MATN4: variants seen among roughly 807,000 people sequenced by gnomAD.
MATN4 encodes matrilin-4.
Under a neutral mutation model 54.6 loss-of-function variants are expected in MATN4, and 40 were observed. The observed-to-expected ratio is 0.73, with a 90% confidence interval of 0.57 to 0.95. The LOEUF (loss-of-function observed/expected upper bound fraction) is 0.95. Ranked by LOEUF, MATN4 falls within the 40% of genes least tolerant of loss-of-function variation. MATN4 has a pLI of 0.00. For synonymous variants in MATN4, 351 were observed against 345.3 expected (o/e 1.02, Z -0.18); for missense variants, 810 against 819.1 (o/e 0.99, Z 0.13).
Position 45,298,500 on chromosome 20 carries a change from G to A in MATN4, c.1096C>T (p.Arg366Cys), listed in dbSNP as rs745778874. ...VRPQNFELVK[R>C]FVNQIVDFLD... is the part of the protein sequence containing the mutation. ...AAGTCCACAATCTGGTTCACGAAGC[G>A]CTTCACTAGCTCGAAGTTTTGTGGA... The change falls in exon 7 of 10, where the codon CGC becomes TGC. Residue 366 changes from arginine to cysteine, a missense_variant. Coordinates refer to ENST00000372756, the MANE Select transcript of MATN4 (RefSeq NM_001393530.1). This position sits in a 1 kb window ranked among gnomAD's most constrained non-coding sequence, Gnocchi z 4.6. 4.3e-6 allele frequency: 7 copies of A among 1,613,018 alleles called. No individual in the cohort carries two copies. In the South Asian group the frequency reaches 4.4e-5, roughly 10 times the overall value.
rs1179503371 is a variant in MATN4, at chr20:45,303,103, A to AAG, written c.643+1123_643+1124dup. On this transcript the variant is annotated intron_variant, in intron 3 of 9. Coordinates refer to ENST00000372756, the MANE Select transcript of MATN4 (RefSeq NM_001393530.1). ...GTCTCAAAAAAAAAAAAAAAAAAAA[A>AAG]AGAGAGAGAGAAAAGAAAAGAAGAA... is the stretch of plus-strand genomic sequence containing the variant. 3.0e-3 allele frequency among the ~76,000 whole-genome samples: 258 copies of AAG among 87,384 alleles called. 1 individual carries two copies. Among genetic ancestry groups the AAG allele is most frequent in the South Asian group, 4.0e-3 (13 of 3,250 alleles). The allele number at this position is 87,384 out of a possible 152,430, so 57.3% of individuals were successfully genotyped here.
chr20:45,301,236 GAAGAAACAGC>G lies in MATN4; in HGVS notation c.767-22_767-13del. On this transcript the variant is annotated splice_polypyrimidine_tract_variant and intron_variant, in intron 4 of 9. Coordinates refer to ENST00000372756, the MANE Select transcript of MATN4 (RefSeq NM_001393530.1). The stretch of plus-strand genomic sequence containing the variant: ...GCAGTAGTCAATGGCTGGCAGGAGG[GAAGAAACAGC>G]AAGATGTTGCCTCTGATTGGAGCCC... 6.3e-7 allele frequency: 1 copy of G among 1,594,278 alleles called. No individual in the cohort carries two copies. Among genetic ancestry groups the G allele is most frequent in the South Asian group, 1.1e-5 (1 of 90,796 alleles).
Position 45,298,152 on chromosome 20 carries a change from G to T in MATN4, c.1426+18C>A. The T allele has an allele frequency of 6.3e-7, 1 of 1,597,306 alleles. No individual in the cohort carries two copies. Among genetic ancestry groups the T allele is most frequent in the Admixed American group, 1.7e-5 (1 of 59,520 alleles). On this transcript the variant is annotated intron_variant, in intron 7 of 9. Transcript: ENST00000372756. This position sits in a 1 kb window ranked among gnomAD's most constrained non-coding sequence, Gnocchi z 4.6. ...GTCTGACCCAACCCCAGCCCACTGT[G>T]TCCCATGCCAAGCCCACCTTCCTCC...
Position 45,301,434 on chromosome 20 carries a change from A to G in MATN4, c.653T>C (p.Leu218Pro). ...ACATCCATGGGTCCCTTCAGCACAC[A>G]GATCAATGGCTGAGGAAGAAATGGG... is the stretch of plus-strand genomic sequence containing the variant. Reference protein sequence around the residue: ...QFQSRLCAIDLCAEGTHGCEH... With the variant: ...QFQSRLCAIDPCAEGTHGCEH... The change falls in exon 4 of 10, where the codon CTG (leucine) becomes CCG (proline). Residue 218 changes from leucine to proline, a missense_variant. Coordinates refer to ENST00000372756, the MANE Select transcript of MATN4 (RefSeq NM_001393530.1). 6.2e-7 allele frequency: 1 copy of G among 1,613,744 alleles called. No individual in the cohort carries two copies. Among genetic ancestry groups the G allele is most frequent in the Non-Finnish European group, 8.5e-7 (1 of 1,179,958 alleles).
intron 3 of MATN4, among the ~76,000 whole-genome samples, chr20:45,303,094 A>G (rs907786737): frequency 2.7e-5 from 4 of 147,698 alleles, no homozygotes; most frequent in Non-Finnish European, 6.0e-5. Flanking sequence ...AAAAAAAAAA[A>G]AAAAAAAAAA....
chr20:45,307,398 C>T (rs988948631), intron 1 of MATN4, among the ~76,000 whole-genome samples: 7 of 152,128 alleles, frequency 4.6e-5, no homozygotes, highest in African/African-American at 1.4e-4. Flanking sequence ...GAACATAAAT[C>T]CTCTGGCAGG....
upstream of MATN4, chr20:45,308,393 T>TC: frequency 3.3e-6 from 2 of 609,550 alleles, no homozygotes; most frequent in East Asian, 2.8e-5. Context: ...CAGGGAGGGA[T>TC]CCCCCCTTCC....
intron 3 of MATN4, among the ~76,000 whole-genome samples, chr20:45,303,769 G>T (rs1206383093): frequency 1.3e-5 from 2 of 152,242 alleles, no homozygotes; most frequent in Non-Finnish European, 2.9e-5. Context: ...CTACACAGGG[G>T]CAGGAGTGGG....
At chr20:45,307,537 A>T (rs1484673759) in intron 1 of MATN4, among the ~76,000 whole-genome samples, 1 of 152,172 alleles carries the variant, frequency 6.6e-6, no homozygotes, top group African/African-American at 2.4e-5. Flanking sequence ...CTAAGGCACA[A>T]GGGGCCTCTG....
Position 45,300,881 on chromosome 20 carries a change from A to G in MATN4, c.1012+6T>C. 1.2e-5 allele frequency: 20 copies of G among 1,612,266 alleles called. No homozygotes were observed. The highest frequency in any genetic ancestry group is 1.7e-5 in the Non-Finnish European group (20 of 1,179,990). On this transcript the variant is annotated splice_donor_region_variant and intron_variant, in intron 6 of 9. Coordinates refer to ENST00000372756, the MANE Select transcript of MATN4 (RefSeq NM_001393530.1). ...CCAACAGAACACCCTCCCGCCCATC[A>G]CTCACGGTTGCAGCTCTTGCCATCT...
chr20:45,305,548 A>G lies in MATN4; in HGVS notation c.35T>C (p.Leu12Pro). 1 of 1,559,720 alleles carries G rather than the reference A, an allele frequency of 6.4e-7. No individual in the cohort carries two copies. Among genetic ancestry groups the G allele is most frequent in the Non-Finnish European group, 8.7e-7 (1 of 1,151,736 alleles). ...CTGGGTTTCCCAGGGCTGAAGAAGG[A>G]GCAGCAACACGGGCCAGCAAAGAAG... ...RGLLCWPVLL[L>P]LLQPWETQLQ... Residue 12 changes from leucine (L) to proline (P), a missense_variant, in exon 2 of 10, where the codon CTC becomes CCC. By Grantham distance (98) the Leu-to-Pro change is moderately conservative. Transcript: ENST00000372756.
intron 8 of MATN4, among the ~76,000 whole-genome samples, chr20:45,295,369 T>C (rs148064393): frequency 8.3e-4 from 126 of 152,244 alleles, no homozygotes; most frequent in African/African-American, 2.3e-3. Context: ...AATTAGAAAA[T>C]CTAGAGTTGA....
chr20:45,294,036 G>A lies in MATN4; in HGVS notation c.1580-21C>T, dbSNP rs376034354. 3 of 1,575,114 alleles carry A rather than the reference G, an allele frequency of 1.9e-6. No homozygotes were observed. The African/African-American group carries it at 4.0e-5, about 21-fold the overall frequency. On this transcript the variant is annotated intron_variant, in intron 8 of 9. Transcript: ENST00000372756. ...CTCCTCTGCAAGCCGGACACAGAGG[G>A]TCAGGGGGATGAGAAATTGCCCTAG...
rs1467300615 is a variant in MATN4 at position 45,304,534 on chromosome 20, T to C, written c.337A>G (p.Thr113Ala). ...ATGGCGTACTGGATTGCCAGTCCCG[T>C]CATGGTGCCTTGCGCCAGAGGCACC... is the stretch of plus-strand genomic sequence containing the variant. ...DLVPLAQGTM[T>A]GLAIQYAMNV... The change falls in exon 3 of 10, where the codon ACG becomes GCG. Residue 113 changes from threonine to alanine, a missense_variant. Transcript: ENST00000372756. 6.3e-7 allele frequency: 1 copy of C among 1,595,770 alleles called. No homozygotes were observed. The highest frequency in any genetic ancestry group is 1.7e-5 in the Admixed American group (1 of 59,594).
At position 45,301,275 on chromosome 20, in the gene MATN4, G is replaced by A. The variant is rs1296739193; in HGVS notation, c.766+46C>T. On this transcript the variant is annotated intron_variant, in intron 4 of 9. Transcript: ENST00000372756. ...ATGTTGCCTCTGATTGGAGCCCTCG[G>A]AGGCCACAGTCCAGGGTGTGGTGGG... 3 of 1,612,996 alleles carry A rather than the reference G, an allele frequency of 1.9e-6. No homozygotes were observed. In the Admixed American group the frequency reaches 5.0e-5, roughly 27 times the overall value.
intron 8 of MATN4, among the ~76,000 whole-genome samples, chr20:45,294,721 C>T (rs1053954508): frequency 6.6e-6 from 1 of 152,180 alleles, no homozygotes; most frequent in Non-Finnish European, 1.5e-5. Flanking sequence ...GGCCATGGAC[C>T]AGTACCAGCA....
intron 1 of MATN4, 67 bp downstream of exon 1, chr20:45,308,106 ACT>A: frequency 6.8e-7 from 1 of 1,474,518 alleles, no homozygotes; most frequent in Non-Finnish European, 9.5e-7. Flanking sequence ...GCTAAAATAC[ACT>A]CGCCTGACCT....
In MATN4 at chr20:45,305,504, G is replaced by T. The variant is rs2743305; in HGVS notation, c.73+6C>A. On this transcript the variant is annotated splice_donor_region_variant and intron_variant, in intron 2 of 9. Transcript: ENST00000372756. ...TCCCACTGGTGAGGGCTGGGCCCCAGTTCACCTGTCAACTGGAGCTGGGTT... is the reference window on the plus strand; with the variant it reads ...TCCCACTGGTGAGGGCTGGGCCCCATTTCACCTGTCAACTGGAGCTGGGTT... 3.9e-6 allele frequency: 6 copies of T among 1,552,292 alleles called. No homozygotes were observed. The highest frequency in any genetic ancestry group is 2.0e-5 in the Admixed American group (1 of 51,146).
At chr20:45,295,008 G>A (rs570849680) in intron 8 of MATN4, among the ~76,000 whole-genome samples, 7 of 152,166 alleles carry the variant, frequency 4.6e-5, no homozygotes, top group South Asian at 2.1e-4. Context: ...CATCACCCAC[G>A]GATGGCACCA....
Sources: gnomAD v4.1 joint callset for allele counts (sites outside exome capture counted in the v4.1 genomes callset) on GRCh38, gnomAD v4.1.1 for gene constraint, Gnocchi (gnomAD v3.1) non-coding constraint, MANE v1.5 for transcripts, NCBI Gene and HGNC (gene_info 2026-07-23, HGNC 2026-07-21) for gene names.